The following CDK14 variants were observed in gnomAD, a reference collection of about 807,000 sequenced individuals.
CDK14 encodes cyclin dependent kinase 14.
A neutral mutation model predicts 60.7 loss-of-function variants in CDK14; 34 were observed. That is an observed-to-expected ratio of 0.56 (90% CI 0.43 to 0.75). The LOEUF (loss-of-function observed/expected upper bound fraction) is 0.75, where lower values mean the gene tolerates loss of function less well. CDK14 is among the 30% of genes least tolerant of loss of function. CDK14 has a pLI of 0.00. For missense variants in CDK14, 482 were observed against 564.1 expected, an observed-to-expected ratio of 0.85 and a Z score of 1.47; for synonymous variants, 197 against 203.7, an observed-to-expected ratio of 0.97 and a Z score of 0.28.
At chr7:90,714,554 T>C (rs1303315021) in intron 2 of CDK14, among the ~76,000 whole-genome samples, 1 of 152,114 alleles carries the variant, frequency 6.6e-6, no homozygotes, top group African/African-American at 2.4e-5. Context: ...AATCAATTGT[T>C]AAAGCAACAT....
At chr7:90,751,430 C>T (rs192115382) in intron 4 of CDK14, among the ~76,000 whole-genome samples, 27 of 152,058 alleles carry the variant, frequency 1.8e-4, no homozygotes, top group Admixed American at 1.2e-3. Flanking sequence ...AAGCCTCATA[C>T]GCAAAGGAGT....
chr7:90,805,473 A>T (rs13227234), intron 5 of CDK14, among the ~76,000 whole-genome samples: 31,138 of 152,000 alleles, frequency 0.2, 3,332 homozygotes, highest in South Asian at 0.24. Flanking sequence ...TGTGTATACT[A>T]GCAATGAACA....
At chr7:90,870,919 G>T (rs1182439420) in intron 6 of CDK14, among the ~76,000 whole-genome samples, 1 of 152,130 alleles carries the variant, frequency 6.6e-6, no homozygotes, top group East Asian at 1.9e-4. Context: ...ACTAGTTTGA[G>T]ATATTTATGA....
chr7:90,753,776 G>A (rs1471619824), intron 4 of CDK14, among the ~76,000 whole-genome samples: 2 of 152,176 alleles, frequency 1.3e-5, no homozygotes, highest in Non-Finnish European at 2.9e-5. Flanking sequence ...AATGACTTCA[G>A]TACAGTTTCA....
intron 7 of CDK14, among the ~76,000 whole-genome samples, chr7:90,904,922 C>T (rs191321501): frequency 1.5e-4 from 23 of 152,202 alleles, no homozygotes; most frequent in Admixed American, 1.4e-3. Context: ...AATTTGGACA[C>T]AGAAGTATTT....
chr7:90,927,252 A>G (rs1793446351), intron 8 of CDK14, among the ~76,000 whole-genome samples: 1 of 152,112 alleles, frequency 6.6e-6, no homozygotes. Flanking sequence ...TTCTTCTGGC[A>G]ACCAATCCCC....
chr7:91,011,971 T>C (rs967854201), intron 10 of CDK14, among the ~76,000 whole-genome samples: 2 of 152,186 alleles, frequency 1.3e-5, no homozygotes, highest in African/African-American at 2.4e-5. Flanking sequence ...CTTTCTACTT[T>C]GTATGCCTGG....
chr7:90,911,223 A>T (rs2117394872), intron 7 of CDK14, among the ~76,000 whole-genome samples: 1 of 152,304 alleles, frequency 6.6e-6, no homozygotes, highest in African/African-American at 2.4e-5. Context: ...GTAGTGATTC[A>T]ACTCCAGTTG....
intron 5 of CDK14, among the ~76,000 whole-genome samples, chr7:90,858,650 T>G (rs1183095313): frequency 6.6e-6 from 1 of 152,194 alleles, no homozygotes; most frequent in East Asian, 1.9e-4. Flanking sequence ...AAAGTTCCCG[T>G]GCAGGCTAGG....
chr7:91,086,683 GTA>G (rs146611151), intron 12 of CDK14, among the ~76,000 whole-genome samples: 6 of 150,044 alleles, frequency 4.0e-5, no homozygotes, highest in Admixed American at 6.7e-5. Context: ...GTGTGTGTGT[GTA>G]TATATCTTAA....
At position 90,994,993 on chromosome 7, in the gene CDK14, T is replaced by A. The variant is rs181177887; in HGVS notation, c.1041+10752T>A. Among the ~76,000 whole-genome samples, 54 of 152,320 alleles carry A rather than the reference T, an allele frequency of 3.5e-4. No homozygotes were observed. In the East Asian group the frequency reaches 4.4e-3, roughly 13 times the overall value. On this transcript the variant is annotated intron_variant, in intron 10 of 14. Transcript: ENST00000380050. ...ATTTCTCAGAACATTACATATGTTA[T>A]CTCTTGAGGTGAGCAGCATCTAAGA...
intron 4 of CDK14, among the ~76,000 whole-genome samples, chr7:90,779,454 G>A (rs6963382): frequency 0.44 from 66,083 of 151,850 alleles, 15,181 homozygotes; most frequent in East Asian, 0.82. Flanking sequence ...GGATTTTGCT[G>A]TGTGGCCCAG....
rs1554431005 is a variant in CDK14, at chr7:90,668,696, A to ATTATTTTTTTTTTTTTTT, written c.124-57869_124-57868insATTTTTTTTTTTTTTTTT. Among the ~76,000 whole-genome samples the ATTATTTTTTTTTTTTTTT allele has an allele frequency of 2.0e-3, 134 of 68,406 alleles. 6 individuals carry two copies. The highest frequency in any genetic ancestry group is 2.6e-3 in the Admixed American group (12 of 4,698). The allele number at this position is 68,406 out of a possible 152,430, so 44.9% of individuals were successfully genotyped here. On this transcript the variant is annotated intron_variant, in intron 2 of 14. Coordinates refer to ENST00000380050, the MANE Select transcript of CDK14 (RefSeq NM_001287135.2). The stretch of plus-strand genomic sequence containing the variant: ...TTATATGGTGTAAGGAAGGACTCGC[A>ATTATTTTTTTTTTTTTTT]TTCTTTTTTTTTTTTTTTTTTTTTT...
chr7:91,164,278 T>A (rs922265164), intron 14 of CDK14, among the ~76,000 whole-genome samples: 2 of 152,178 alleles, frequency 1.3e-5, no homozygotes, highest in Admixed American at 1.3e-4. Context: ...AGTCTTAATT[T>A]TGTTGAGTGG....
In CDK14 at chr7:90,941,541, T is replaced by C. The variant is rs1021915914; in HGVS notation, c.827-14156T>C. 1.2e-3 allele frequency among the ~76,000 whole-genome samples: 181 copies of C among 152,136 alleles called. 2 individuals are homozygous for C. The highest frequency in any genetic ancestry group is 4.0e-3 in the African/African-American group (166 of 41,504). ...GCAATCATAGCTCACTGCAGCCTTA[T>C]ATTCCTGGGTTCAAGTGATCCTCCT... is the stretch of plus-strand genomic sequence containing the variant. On this transcript the variant is annotated intron_variant, in intron 8 of 14. Coordinates refer to ENST00000380050, the MANE Select transcript of CDK14 (RefSeq NM_001287135.2).
At chr7:90,607,773 A>G (rs932087841) in intron 2 of CDK14, among the ~76,000 whole-genome samples, 2 of 152,188 alleles carry the variant, frequency 1.3e-5, no homozygotes, top group Non-Finnish European at 2.9e-5. Context: ...ATGAATGATC[A>G]TTTTGCTTTT....
At position 90,899,674 on chromosome 7, in the gene CDK14, G is replaced by A. The variant is rs144476335; in HGVS notation, c.702+321G>A. Among the ~76,000 whole-genome samples, 105 of 152,120 alleles carry A rather than the reference G, an allele frequency of 6.9e-4. 1 individual carries two copies. The Middle Eastern group carries it at 0.024, about 34-fold the overall frequency. On this transcript the variant is annotated intron_variant, in intron 7 of 14. Coordinates refer to ENST00000380050, the MANE Select transcript of CDK14 (RefSeq NM_001287135.2). Reference sequence around the variant, plus strand: ...TAGAGGGGAGTCTCAGTTCTAGCTTGGAACCCATACTGATGTACCAGTTGG... The same window carrying A: ...TAGAGGGGAGTCTCAGTTCTAGCTTAGAACCCATACTGATGTACCAGTTGG...
chr7:90,711,563 G>C (rs540044968), intron 2 of CDK14, among the ~76,000 whole-genome samples: 1 of 152,020 alleles, frequency 6.6e-6, no homozygotes, highest in East Asian at 1.9e-4. Context: ...TAACGTGACT[G>C]ATTTTACAAT....
intron 6 of CDK14, among the ~76,000 whole-genome samples, chr7:90,886,197 C>CT (rs1340776383): frequency 6.6e-6 from 1 of 152,086 alleles, no homozygotes; most frequent in Non-Finnish European, 1.5e-5. Context: ...TTAACACCAG[C>CT]TTTTTTGTCA....
Sources: allele counts gnomAD v4.1 joint callset (sites outside exome capture counted in the v4.1 genomes callset), GRCh38; gene constraint gnomAD v4.1.1; transcripts MANE v1.5; gene names NCBI Gene and HGNC (gene_info 2026-07-23, HGNC 2026-07-21).